Variants in EYS observed in about 807,000 individuals in gnomAD.
EYS encodes protein eyes shut homolog.
Under a neutral mutation model 282.1 loss-of-function variants are expected in EYS, and 250 were observed. The ratio of observed to expected loss-of-function variants is 0.89; its 90% CI spans 0.80 to 0.98. EYS has a LOEUF of 0.98. Ranked by LOEUF, EYS falls within the 50% of genes least tolerant of loss-of-function variation. The pLI, the probability that EYS is intolerant of heterozygous loss-of-function variation, is 0.00. For synonymous variants in EYS, 1,355 were observed against 1,282.9 expected (o/e 1.06, Z -1.20); for missense variants, 4,016 against 3,709.0 (o/e 1.08, Z -2.15).
intron 14 of EYS, among the ~76,000 whole-genome samples, chr6:64,962,397 T>C (rs1562277745): frequency 6.6e-6 from 1 of 152,080 alleles, no homozygotes; most frequent in Admixed American, 6.6e-5. Context: ...ATTAGATAGA[T>C]AAATTGTGTT....
At chr6:64,770,938 A>G (rs1366082812) in intron 22 of EYS, among the ~76,000 whole-genome samples, 1 of 151,890 alleles carries the variant, frequency 6.6e-6, no homozygotes, top group Non-Finnish European at 1.5e-5. Context: ...CAAGAGGGAT[A>G]TAATATATTG....
intron 5 of EYS, among the ~76,000 whole-genome samples, chr6:65,480,576 T>G (rs1338790041): frequency 6.6e-6 from 1 of 152,114 alleles, no homozygotes; most frequent in Non-Finnish European, 1.5e-5. Context: ...GACTTTCTGA[T>G]AAGAAGAAAG....
At chr6:63,918,244 A>C (rs2149741997) in intron 35 of EYS, among the ~76,000 whole-genome samples, 1 of 152,362 alleles carries the variant, frequency 6.6e-6, no homozygotes, top group South Asian at 2.1e-4. Flanking sequence ...TTACGTGATT[A>C]ATTTAGATAA....
intron 15 of EYS, among the ~76,000 whole-genome samples, chr6:64,936,110 T>G (rs1478050281): frequency 6.6e-6 from 1 of 151,674 alleles, no homozygotes; most frequent in African/African-American, 2.4e-5. Flanking sequence ...AATTGGGACA[T>G]ATATTAGTTC....
At chr6:64,360,765 A>C (rs1771977192) in intron 29 of EYS, among the ~76,000 whole-genome samples, 1 of 151,750 alleles carries the variant, frequency 6.6e-6, no homozygotes, top group South Asian at 2.1e-4. Context: ...TAAATAGAAC[A>C]CCAATATTCC....
At chr6:65,505,909 T>A (rs1414049241) in intron 2 of EYS, among the ~76,000 whole-genome samples, 1 of 152,154 alleles carries the variant, frequency 6.6e-6, no homozygotes, top group African/African-American at 2.4e-5. Flanking sequence ...TGTTTTATAG[T>A]GCTGACTGGT....
At chr6:64,296,012 A>T (rs2150369030) in intron 30 of EYS, among the ~76,000 whole-genome samples, 1 of 152,346 alleles carries the variant, frequency 6.6e-6, no homozygotes, top group East Asian at 1.9e-4. Flanking sequence ...ATTGTGCATG[A>T]GTAAAAGATC....
intron 36 of EYS, among the ~76,000 whole-genome samples, chr6:63,861,223 T>C (rs1385216724): frequency 6.6e-6 from 1 of 152,218 alleles, no homozygotes; most frequent in Non-Finnish European, 1.5e-5. Flanking sequence ...GGCACCACCA[T>C]CTACACTATA....
intron 1 of EYS, among the ~76,000 whole-genome samples, chr6:65,687,060 A>G (rs1769045915): frequency 6.6e-6 from 1 of 152,094 alleles, no homozygotes; most frequent in African/African-American, 2.4e-5. Context: ...ATTTATACCT[A>G]GACTAGTTTC....
intron 26 of EYS, among the ~76,000 whole-genome samples, chr6:64,510,419 A>G (rs943550915): frequency 1.1e-4 from 16 of 152,040 alleles, no homozygotes; most frequent in African/African-American, 3.9e-4. Context: ...TTCTTATATG[A>G]TATATGCAGC....
intron 31 of EYS, among the ~76,000 whole-genome samples, chr6:64,179,698 A>C (rs1325399228): frequency 2.0e-5 from 3 of 152,112 alleles, no homozygotes; most frequent in African/African-American, 7.2e-5. Flanking sequence ...GCTAATTGTT[A>C]TTAGTGACCC....
At chr6:64,858,456 T>A (rs914828249) in intron 19 of EYS, among the ~76,000 whole-genome samples, 1 of 152,116 alleles carries the variant, frequency 6.6e-6, no homozygotes, top group African/African-American at 2.4e-5. Flanking sequence ...TTGGTTGATG[T>A]GTCTCTCTTT....
chr6:64,232,692 T>C (rs1156684495), intron 30 of EYS, among the ~76,000 whole-genome samples: 1 of 152,168 alleles, frequency 6.6e-6, no homozygotes, highest in Non-Finnish European at 1.5e-5. Context: ...GCACCTGGCC[T>C]GTACCACACT....
chr6:64,866,882 A>G (rs775776432), intron 19 of EYS, among the ~76,000 whole-genome samples: 2 of 151,816 alleles, frequency 1.3e-5, no homozygotes, highest in African/African-American at 2.4e-5. Context: ...AAATGGTTTT[A>G]CAATAAAAAA....
At chr6:64,545,064 CAAAG>C (rs1764810977) in intron 26 of EYS, among the ~76,000 whole-genome samples, 2 of 152,188 alleles carry the variant, frequency 1.3e-5, no homozygotes, top group African/African-American at 4.8e-5. Context: ...AGAGACACAA[CAAAG>C]AAAGAGAATT....
chr6:64,462,327 A>G (rs1159107505), intron 26 of EYS, among the ~76,000 whole-genome samples: 2 of 152,208 alleles, frequency 1.3e-5, no homozygotes, highest in African/African-American at 4.8e-5. Flanking sequence ...TAATTAAGAA[A>G]ATATCTTGTA....
intron 7 of EYS, among the ~76,000 whole-genome samples, chr6:65,399,754 C>T (rs1481157694): frequency 6.6e-6 from 1 of 151,882 alleles, no homozygotes; most frequent in Admixed American, 6.6e-5. Context: ...CAGACTAAAC[C>T]AATGCAGGGA....
In EYS at chr6:65,010,728, A is replaced by G. The variant is rs1771840180; in HGVS notation, c.2138-13025T>C. 2.6e-5 allele frequency among the ~76,000 whole-genome samples: 4 copies of G among 152,206 alleles called. No homozygotes were observed. The South Asian group carries it at 6.2e-4, about 24-fold the overall frequency. ...CTCACTCAGGCACTAAAATTAGGAG[A>G]AGGAAAAAGGGTAAATATATACACA... On this transcript the variant is annotated intron_variant, in intron 13 of 42. Transcript: ENST00000503581.
chr6:64,835,951 C>T (rs1249771813), intron 19 of EYS, among the ~76,000 whole-genome samples: 4 of 151,560 alleles, frequency 2.6e-5, no homozygotes, highest in Non-Finnish European at 5.9e-5. Context: ...AAAGACATCT[C>T]TACTTCTTTT....
Sources: allele counts gnomAD v4.1 joint callset (sites outside exome capture counted in the v4.1 genomes callset), GRCh38; gene constraint gnomAD v4.1.1; transcripts MANE v1.5; gene names NCBI Gene and HGNC (gene_info 2026-07-23, HGNC 2026-07-21).